RIMBP2: variants seen among roughly 807,000 people sequenced by gnomAD.
RIMBP2 encodes the protein RIMS binding protein 2.
Under a neutral mutation model 118.6 loss-of-function variants are expected in RIMBP2, and 48 were observed. The observed-to-expected ratio is 0.40, with a 90% CI of 0.32 to 0.51. RIMBP2 has a LOEUF of 0.51. Ranked by LOEUF, RIMBP2 falls within the 20% of genes least tolerant of loss-of-function variation. The pLI, the probability that RIMBP2 is intolerant of heterozygous loss-of-function variation, is 0.41. For synonymous variants in RIMBP2, 762 were observed against 742.9 expected, an observed-to-expected ratio of 1.03 and a Z score of -0.42; for missense variants, 1,551 against 1,768.3, an observed-to-expected ratio of 0.88 and a Z score of 2.20.
At chr12:130,546,509 T>G (rs971081938) in intron 2 of RIMBP2, among the ~76,000 whole-genome samples, 7 of 152,164 alleles carry the variant, frequency 4.6e-5, no homozygotes, top group African/African-American at 1.7e-4. Flanking sequence ...TTGGCCAGGC[T>G]GGTCTCAAAT....
At chr12:130,438,218 C>T (rs939583269) in intron 12 of RIMBP2, 147 bp downstream of exon 12, 79 of 836,446 alleles carry the variant, frequency 9.4e-5, no homozygotes, top group African/African-American at 9.3e-4. Context: ...CTGGGGTTCA[C>T]GCTGATGGAG....
chr12:130,543,051 T>G (rs1377509348), intron 2 of RIMBP2, among the ~76,000 whole-genome samples: 1 of 152,198 alleles, frequency 6.6e-6, no homozygotes, highest in African/African-American at 2.4e-5. Context: ...GGTTGGATGA[T>G]GAACTGAGAA....
rs1299285134 is a variant in RIMBP2, at chr12:130,575,951, C to G, written c.-217+52371G>C. Among the ~76,000 whole-genome samples, 13 of 152,320 alleles carry G rather than the reference C, an allele frequency of 8.5e-5. No individual in the cohort carries two copies. The East Asian group carries it at 2.3e-3, about 27-fold the overall frequency. On this transcript the variant is annotated intron_variant, in intron 2 of 22. Transcript: ENST00000690449. ...CCCCGGAAAGCTGGTTAACAGGACACCCCCGGATATTTGAATTCAGAGCAG... is the reference window on the plus strand; with the variant it reads ...CCCCGGAAAGCTGGTTAACAGGACAGCCCCGGATATTTGAATTCAGAGCAG...
intron 1 of RIMBP2, among the ~76,000 whole-genome samples, chr12:130,646,097 ACCTCCCTCTC>A (rs1566422046): frequency 8.4e-6 from 1 of 119,282 alleles, no homozygotes; most frequent in African/African-American, 3.3e-5. Flanking sequence ...TTCCCTCTCC[ACCTCCCTCTC>A]CACCTCCCTC....
Position 130,469,406 on chromosome 12 carries a change from G to A in RIMBP2, c.153+1287C>T, listed in dbSNP as rs1196253013. ...ACAGGGTCATGTCAATGGGCTCCGG[G>A]GCAACTGGGGAGAGGCAACTACCTT... is the stretch of plus-strand genomic sequence containing the variant. On this transcript the variant is annotated intron_variant, in intron 6 of 22. Coordinates refer to ENST00000690449, the MANE Select transcript of RIMBP2 (RefSeq NM_001393629.1). The surrounding 1 kb of genome is among the most constrained non-coding windows in gnomAD (Gnocchi z 4.8). Among the ~76,000 whole-genome samples, 1 of 152,118 alleles carries A rather than the reference G, an allele frequency of 6.6e-6. No homozygotes were observed. The highest frequency in any genetic ancestry group is 1.5e-5 in the Non-Finnish European group (1 of 68,036).
chr12:130,525,248 G>C lies in RIMBP2; in HGVS notation c.-216-7331C>G, dbSNP rs2052648100. On this transcript the variant is annotated intron_variant, in intron 2 of 22. Coordinates refer to ENST00000690449, the MANE Select transcript of RIMBP2 (RefSeq NM_001393629.1). The surrounding 1 kb of genome is among the most constrained non-coding windows in gnomAD (Gnocchi z 4.4). ...GAGCTGAGTGACCAGAGCCTTGAGAGTGGGGACCGGCAGGTCAGCTACTGC... is the reference window on the plus strand; with the variant it reads ...GAGCTGAGTGACCAGAGCCTTGAGACTGGGGACCGGCAGGTCAGCTACTGC... Among the ~76,000 whole-genome samples, 1 of 152,230 alleles carries C rather than the reference G, an allele frequency of 6.6e-6. No homozygotes were observed. The highest frequency in any genetic ancestry group is 2.4e-5 in the African/African-American group (1 of 41,458).
intron 6 of RIMBP2, 37 bp downstream of exon 6, chr12:130,470,656 C>G (rs1211936763): frequency 3.3e-6 from 4 of 1,212,676 alleles, no homozygotes; most frequent in African/African-American, 1.6e-5. Flanking sequence ...CCCAACGTCC[C>G]CCACCCCCGG....
chr12:130,444,647 T>C (rs146370776), intron 10 of RIMBP2, among the ~76,000 whole-genome samples: 116 of 152,280 alleles, frequency 7.6e-4, no homozygotes, highest in African/African-American at 2.7e-3. Flanking sequence ...AGAGGAGACC[T>C]CGAGGGAATG....
intron 4 of RIMBP2, among the ~76,000 whole-genome samples, chr12:130,501,027 CACGTGGTG>C (rs2049721148): frequency 6.6e-6 from 1 of 152,202 alleles, no homozygotes; most frequent in Non-Finnish European, 1.5e-5. Context: ...CCATCTCCCA[CACGTGGTG>C]ACGCCCTGAC....
rs542733098 is a variant in RIMBP2 at position 130,710,422 on chromosome 12, GCACA to G, written c.-352+5796_-352+5799del. On this transcript the variant is annotated intron_variant, in intron 1 of 22. Transcript: ENST00000690449. The surrounding 1 kb of genome is among the most constrained non-coding windows in gnomAD (Gnocchi z 4.3). ...TTCACTTGCCCGTTGTCTTACACATGCACACACACACATACACGCAGGCGCACAC... is the reference window on the plus strand; with the variant it reads ...TTCACTTGCCCGTTGTCTTACACATGCACACACATACACGCAGGCGCACAC... Among the ~76,000 whole-genome samples the G allele has an allele frequency of 1.3e-5, 2 of 151,708 alleles. No individual in the cohort carries two copies. The highest frequency in any genetic ancestry group is 4.8e-5 in the African/African-American group (2 of 41,280).
intron 17 of RIMBP2, among the ~76,000 whole-genome samples, chr12:130,417,102 T>C (rs937632290): frequency 6.6e-6 from 1 of 152,124 alleles, no homozygotes; most frequent in African/African-American, 2.4e-5. Context: ...TTGGGGTGAC[T>C]GCAAAGAAAA....
At chr12:130,714,733 C>T (rs1401104266) in intron 1 of RIMBP2, among the ~76,000 whole-genome samples, 1 of 152,244 alleles carries the variant, frequency 6.6e-6, no homozygotes, top group African/African-American at 2.4e-5. Flanking sequence ...CGGCCTTCCC[C>T]TCACACCGTG....
chr12:130,641,233 G>A (rs12311199), intron 1 of RIMBP2, among the ~76,000 whole-genome samples: 8,346 of 135,624 alleles, frequency 0.062, 590 homozygotes, highest in East Asian at 0.094. Flanking sequence ...AAGCTAAATC[G>A]TGAGCCCTGA....
chr12:130,524,299 TGGTTCCAGA>T (rs1281146235), intron 2 of RIMBP2, among the ~76,000 whole-genome samples: 1 of 152,100 alleles, frequency 6.6e-6, no homozygotes, highest in African/African-American at 2.4e-5. Context: ...CCTCTACCTG[TGGTTCCAGA>T]GGCATGAGCC....
chr12:130,662,033 A>C (rs2063686132), intron 1 of RIMBP2, among the ~76,000 whole-genome samples: 1 of 152,204 alleles, frequency 6.6e-6, no homozygotes, highest in Admixed American at 6.5e-5. Flanking sequence ...ATGGGGCTGC[A>C]CTAGGTGCTT....
intron 2 of RIMBP2, among the ~76,000 whole-genome samples, chr12:130,558,666 G>A (rs2056568377): frequency 6.6e-6 from 1 of 152,202 alleles, no homozygotes. Context: ...GGTTGGGTGT[G>A]CAGTCAGAGG....
chr12:130,627,857 C>A (rs945953815), intron 2 of RIMBP2, among the ~76,000 whole-genome samples: 1 of 152,200 alleles, frequency 6.6e-6, no homozygotes, highest in Non-Finnish European at 1.5e-5. Flanking sequence ...TGGTCGCCGC[C>A]TAATCCTCTT....
chr12:130,692,341 C>A (rs1406221899), intron 1 of RIMBP2, among the ~76,000 whole-genome samples: 1 of 152,152 alleles, frequency 6.6e-6, no homozygotes, highest in African/African-American at 2.4e-5. Context: ...CTACCCCTTC[C>A]CTCTCCTCCC....
intron 2 of RIMBP2, among the ~76,000 whole-genome samples, chr12:130,553,147 C>A: frequency 1.4e-5 from 2 of 140,238 alleles, no homozygotes; most frequent in African/African-American, 5.2e-5. Flanking sequence ...AGCGAGACTC[C>A]ATCTCAAAAA....
Sources: gnomAD v4.1 joint callset for allele counts (sites outside exome capture counted in the v4.1 genomes callset) on GRCh38, gnomAD v4.1.1 for gene constraint, Gnocchi (gnomAD v3.1) non-coding constraint, MANE v1.5 for transcripts, NCBI Gene and HGNC (gene_info 2026-07-23, HGNC 2026-07-21) for gene names.